Variants in RIMS2 observed in about 807,000 individuals in gnomAD.
RIMS2 encodes regulating synaptic membrane exocytosis protein 2.
In RIMS2, 59 loss-of-function variants were observed where a neutral mutation model predicts 174.4. The ratio of observed to expected loss-of-function variants is 0.34; its 90% CI spans 0.27 to 0.42. RIMS2 has a LOEUF of 0.42. RIMS2 is among the 10% of genes least tolerant of loss of function. The probability of loss-of-function intolerance (pLI) is 1.00; values close to 1 mark genes in which losing one functional copy is unlikely to be tolerated. For synonymous variants in RIMS2, 606 were observed against 572.5 expected (o/e 1.06, Z -0.84); for missense variants, 1,620 against 1,666.3 (o/e 0.97, Z 0.48).
intron 3 of RIMS2, among the ~76,000 whole-genome samples, chr8:103,852,243 A>C (rs1387539278): frequency 3.9e-5 from 6 of 152,050 alleles, no homozygotes; most frequent in African/African-American, 1.4e-4. Context: ...AAAAGAAAAT[A>C]GTATAGATAT....
intron 19 of RIMS2, among the ~76,000 whole-genome samples, chr8:104,226,484 T>C (rs1396464511): frequency 6.6e-6 from 1 of 152,202 alleles, no homozygotes; most frequent in Admixed American, 6.5e-5. Context: ...AAAATATTTA[T>C]TGGGGGTATT....
intron 3 of RIMS2, among the ~76,000 whole-genome samples, chr8:103,770,755 C>G (rs774085309): frequency 1.3e-5 from 2 of 152,052 alleles, no homozygotes; most frequent in African/African-American, 2.4e-5. Context: ...GTCTCCCACC[C>G]TGCCTGCCAG....
intron 3 of RIMS2, among the ~76,000 whole-genome samples, chr8:103,825,054 T>G (rs919622021): frequency 1.3e-5 from 2 of 152,148 alleles, no homozygotes; most frequent in East Asian, 3.9e-4. Flanking sequence ...ATGAGCTCCT[T>G]GAATTAGGGG....
At chr8:103,900,816 A>G (rs552359427) in intron 4 of RIMS2, among the ~76,000 whole-genome samples, 1 of 152,216 alleles carries the variant, frequency 6.6e-6, no homozygotes, top group East Asian at 1.9e-4. Context: ...CAGTCACAGG[A>G]TTCCATGTCT....
In RIMS2 at chr8:104,248,891, T is replaced by TTCTCTCTCTCTCTCTCTCTC. The variant is rs368851079; in HGVS notation, c.3589+80_3589+99dup. The TTCTCTCTCTCTCTCTCTCTC allele has an allele frequency of 5.5e-3, 3,441 of 626,234 alleles. 25 individuals are homozygous for TTCTCTCTCTCTCTCTCTCTC. Among genetic ancestry groups the TTCTCTCTCTCTCTCTCTCTC allele is most frequent in the South Asian group, 0.01 (558 of 54,046 alleles). 38.8% of individuals were successfully genotyped at this position (626,234 alleles called of 1,614,324 possible). On this transcript the variant is annotated intron_variant, in intron 21 of 23. Coordinates refer to ENST00000504942, the Ensembl canonical transcript of RIMS2. ...GAAATTCTCTAAATTTCATAGAATC[T>TTCTCTCTCTCTCTCTCTCTC]TCTCTCTCTCTCTCTCTCTCTTTCC...
At chr8:103,548,821 T>A (rs565716350) in intron 1 of RIMS2, among the ~76,000 whole-genome samples, 151 of 152,058 alleles carry the variant, frequency 9.9e-4, no homozygotes, top group Middle Eastern at 3.4e-3. Flanking sequence ...TTCAGCAAAG[T>A]TTTAGGGTAC....
intron 3 of RIMS2, among the ~76,000 whole-genome samples, chr8:103,786,230 T>C (rs2098442507): frequency 6.6e-6 from 1 of 152,202 alleles, no homozygotes. Flanking sequence ...AGCTCCTGGA[T>C]TCATTAATTT....
chr8:103,933,288 GACAC>G (rs55909886), intron 12 of RIMS2, among the ~76,000 whole-genome samples: 3,280 of 119,614 alleles, frequency 0.027, 55 homozygotes, highest in Middle Eastern at 0.05. Context: ...TCGAGACTCT[GACAC>G]ACACACACAC....
At chr8:103,795,771 T>TTCATATTCAAATATGAATA (rs2098545628) in intron 3 of RIMS2, among the ~76,000 whole-genome samples, 1 of 152,202 alleles carries the variant, frequency 6.6e-6, no homozygotes, top group Admixed American at 6.6e-5. Context: ...TTCACATGTA[T>TTCATATTCAAATATGAATA]CGCTGCCTTT....
At chr8:103,819,824 A>T (rs1328038734) in intron 3 of RIMS2, among the ~76,000 whole-genome samples, 1 of 152,178 alleles carries the variant, frequency 6.6e-6, no homozygotes, top group East Asian at 1.9e-4. Context: ...CAGAAAAAGC[A>T]TCTTAAATTT....
intron 1 of RIMS2, among the ~76,000 whole-genome samples, chr8:103,640,610 ACT>A (rs538418009): frequency 2.0e-5 from 3 of 151,970 alleles, no homozygotes; most frequent in African/African-American, 4.8e-5. Flanking sequence ...TTGAGACTTG[ACT>A]CACATATTTT....
chr8:103,963,669 T>C (rs2090931075), intron 15 of RIMS2, among the ~76,000 whole-genome samples: 1 of 152,170 alleles, frequency 6.6e-6, no homozygotes, highest in South Asian at 2.1e-4. Context: ...CAAACTGGTA[T>C]GTTTGTTACA....
At chr8:103,968,623 A>T (rs2092449204) in intron 15 of RIMS2, among the ~76,000 whole-genome samples, 1 of 151,964 alleles carries the variant, frequency 6.6e-6, no homozygotes, top group Non-Finnish European at 1.5e-5. Flanking sequence ...TACTTAGAAA[A>T]TCCCAATTTC....
chr8:103,550,819 C>T (rs1421405021), intron 1 of RIMS2, among the ~76,000 whole-genome samples: 1 of 152,152 alleles, frequency 6.6e-6, no homozygotes, highest in Non-Finnish European at 1.5e-5. Flanking sequence ...TCGGAGAATA[C>T]TATAAACACC....
intron 1 of RIMS2, among the ~76,000 whole-genome samples, chr8:103,647,896 A>ATTTTTTTT (rs71297225): frequency 1.7e-5 from 2 of 114,578 alleles, no homozygotes; most frequent in African/African-American, 6.1e-5. Context: ...TTTTTTTTTG[A>ATTTTTTTT]TTTTTTTTTT....
chr8:103,690,444 A>T (rs1363517232), intron 1 of RIMS2, among the ~76,000 whole-genome samples: 3 of 151,844 alleles, frequency 2.0e-5, no homozygotes, highest in Admixed American at 6.6e-5. Context: ...CTTGTATTTT[A>T]CTTTTTGTGT....
chr8:103,629,376 T>C (rs1394544001), intron 1 of RIMS2, among the ~76,000 whole-genome samples: 2 of 152,160 alleles, frequency 1.3e-5, no homozygotes, highest in African/African-American at 4.8e-5. Flanking sequence ...AACTCAGCAG[T>C]GGTATAGAAT....
intron 16 of RIMS2, among the ~76,000 whole-genome samples, chr8:103,988,158 A>C (rs964697214): frequency 1.3e-5 from 2 of 152,230 alleles, no homozygotes; most frequent in African/African-American, 4.8e-5. Flanking sequence ...ACTAGGATGG[A>C]ACTTGAATAA....
In RIMS2 at chr8:103,711,757, C is replaced by T. The variant is rs571856143; in HGVS notation, c.387+14461C>T. 1.6e-3 allele frequency among the ~76,000 whole-genome samples: 237 copies of T among 151,948 alleles called. 2 individuals are homozygous for T. The highest frequency in any genetic ancestry group is 5.2e-3 in the African/African-American group (216 of 41,446). ...CCAAAAATACAAAAAATTAGCTAGG[C>T]GTGGTGGTGAGTGCCTGTGGTCCCA... is the stretch of plus-strand genomic sequence containing the variant. On this transcript the variant is annotated intron_variant, in intron 2 of 23. Coordinates refer to ENST00000504942, the Ensembl canonical transcript of RIMS2.
Sources: gnomAD v4.1 joint callset for allele counts (sites outside exome capture counted in the v4.1 genomes callset) on GRCh38, gnomAD v4.1.1 for gene constraint, MANE v1.5 for transcripts, NCBI Gene and HGNC (gene_info 2026-07-23, HGNC 2026-07-21) for gene names.